WWOX: variants seen among roughly 807,000 people sequenced by gnomAD.
WWOX encodes WW domain-containing oxidoreductase.
A neutral mutation model predicts 46.2 loss-of-function variants in WWOX; 69 were observed. The ratio of observed to expected loss-of-function variants is 1.49; its 90% CI spans 1.23 to 1.82. The LOEUF is 1.82. WWOX is among the 40% of genes most tolerant of loss of function. The probability of loss-of-function intolerance (pLI) is 0.00; values close to 1 mark genes in which losing one functional copy is unlikely to be tolerated. For missense variants in WWOX, 919 were observed against 542.6 expected (o/e 1.69, Z -6.89); for synonymous variants, 359 against 202.6 (o/e 1.77, Z -6.56).
chr16:79,105,973 A>G (rs904986478), intron 8 of WWOX: 3 of 152,238 alleles, frequency 2.0e-5, no homozygotes, highest in African/African-American at 7.2e-5. Context: ...GCACTGGGCC[A>G]GGAATATCTT....
chr16:79,030,394 T>G (rs567142844), intron 8 of WWOX, among the ~76,000 whole-genome samples: 1 of 152,334 alleles, frequency 6.6e-6, no homozygotes, highest in Admixed American at 6.5e-5. Context: ...ACCCAGCACT[T>G]CAGATACTTT....
chr16:79,050,285 G>A (rs1160192707), intron 8 of WWOX, among the ~76,000 whole-genome samples: 1 of 152,168 alleles, frequency 6.6e-6, no homozygotes, highest in African/African-American at 2.4e-5. Context: ...CTTTGCATCA[G>A]CTGGGCTTTC....
intron 8 of WWOX, among the ~76,000 whole-genome samples, chr16:79,182,156 C>G (rs1360095219): frequency 6.8e-6 from 1 of 148,134 alleles, no homozygotes; most frequent in Non-Finnish European, 1.5e-5. Context: ...GGGAGGGACT[C>G]TTGTTCTTTC....
chr16:78,554,824 A>C (rs1567640876), intron 8 of WWOX, among the ~76,000 whole-genome samples: 1 of 152,050 alleles, frequency 6.6e-6, no homozygotes, highest in Non-Finnish European at 1.5e-5. Flanking sequence ...AGAGCCCCTG[A>C]CTCTGAATGG....
chr16:78,162,643 A>G (rs527990287), intron 4 of WWOX, among the ~76,000 whole-genome samples: 6 of 152,120 alleles, frequency 3.9e-5, no homozygotes, highest in Non-Finnish European at 7.4e-5. Flanking sequence ...TGTATGCGTC[A>G]TTGATTTTGT....
chr16:78,889,859 A>G (rs1385503125), intron 8 of WWOX, among the ~76,000 whole-genome samples: 5 of 152,200 alleles, frequency 3.3e-5, no homozygotes, highest in Admixed American at 3.3e-4. Context: ...TATCTGGAGA[A>G]AGTCCATAGT....
intron 8 of WWOX, among the ~76,000 whole-genome samples, chr16:78,823,402 C>T (rs2037961): frequency 0.62 from 93,593 of 151,936 alleles, 29,063 homozygotes; most frequent in African/African-American, 0.69. Flanking sequence ...CAATAAGAGG[C>T]AGGTGCTTCC....
At chr16:78,929,222 G>A (rs1463517020) in intron 8 of WWOX, among the ~76,000 whole-genome samples, 1 of 151,400 alleles carries the variant, frequency 6.6e-6, no homozygotes. Flanking sequence ...AAACTCTTCA[G>A]TTCTGTTGGG....
At chr16:78,754,453 A>C (rs2142464091) in intron 8 of WWOX, among the ~76,000 whole-genome samples, 1 of 152,288 alleles carries the variant, frequency 6.6e-6, no homozygotes, top group Non-Finnish European at 1.5e-5. Flanking sequence ...CGGATTTGAA[A>C]GCCAATGTTC....
rs1162517264 is a variant in WWOX at position 78,345,120 on chromosome 16, G to C, written c.517-41740G>C. ...CATAAAGTTGACTATGGCTATTGGT[G>C]GTACTAGTATGACTGTCAAGTCGAT... On this transcript the variant is annotated intron_variant, in intron 5 of 8. Transcript: ENST00000566780. Among the ~76,000 whole-genome samples the C allele has an allele frequency of 1.7e-5, 2 of 118,308 alleles. 1 individual carries two copies. The highest frequency in any genetic ancestry group is 4.0e-5 in the Non-Finnish European group (2 of 49,948). 77.6% of individuals were successfully genotyped at this position (118,308 alleles called of 152,430 possible).
At chr16:79,054,985 C>T (rs9319532) in intron 8 of WWOX, among the ~76,000 whole-genome samples, 27,166 of 152,080 alleles carry the variant, frequency 0.18, 5,140 homozygotes, top group African/African-American at 0.49. Flanking sequence ...AATGGTTTTC[C>T]ACTGACTAAT....
intron 8 of WWOX, among the ~76,000 whole-genome samples, chr16:78,452,712 T>A (rs765365663): frequency 2.2e-4 from 33 of 151,864 alleles, no homozygotes; most frequent in Non-Finnish European, 8.8e-5. Context: ...CTGACCTCCA[T>A]GTGATCGGCC....
At chr16:78,306,772 C>G (rs765963055) in intron 5 of WWOX, among the ~76,000 whole-genome samples, 4 of 151,770 alleles carry the variant, frequency 2.6e-5, no homozygotes, top group African/African-American at 4.8e-5. Context: ...CCCTGTAAAT[C>G]TCACTCCTTC....
In WWOX at chr16:78,906,180, G is replaced by C. The variant is rs556317506; in HGVS notation, c.1057-305428G>C. ...AAACCTCAGCCATCTAGGGACATCT[G>C]GGGCAGCAGAGAGCCACTGGTGTGG... On this transcript the variant is annotated intron_variant, in intron 8 of 8. Transcript: ENST00000566780. Among the ~76,000 whole-genome samples, 4 of 152,274 alleles carry C rather than the reference G, an allele frequency of 2.6e-5. No individual in the cohort carries two copies. In the East Asian group the frequency reaches 7.7e-4, roughly 29 times the overall value.
chr16:78,137,465 T>C (rs1319770587), intron 4 of WWOX, among the ~76,000 whole-genome samples: 1 of 152,172 alleles, frequency 6.6e-6, no homozygotes, highest in Non-Finnish European at 1.5e-5. Context: ...ACTAGTGTGG[T>C]GTCTGACCGC....
At chr16:78,777,091 A>G (rs1242500085) in intron 8 of WWOX, among the ~76,000 whole-genome samples, 1 of 152,210 alleles carries the variant, frequency 6.6e-6, no homozygotes, top group Admixed American at 6.5e-5. Flanking sequence ...AATGAAGTTT[A>G]GGTCAGAAAA....
At chr16:78,588,799 C>G (rs1282146815) in intron 8 of WWOX, among the ~76,000 whole-genome samples, 1 of 152,120 alleles carries the variant, frequency 6.6e-6, no homozygotes, top group Non-Finnish European at 1.5e-5. Context: ...GCATTAGGAG[C>G]TGAACCCAGA....
intron 5 of WWOX, among the ~76,000 whole-genome samples, chr16:78,179,296 T>C (rs2035452259): frequency 6.6e-6 from 1 of 152,158 alleles, no homozygotes; most frequent in African/African-American, 2.4e-5. Context: ...ATTAGTAAAG[T>C]CATTTGTCCT....
At chr16:78,900,511 C>T (rs2044804084) in intron 8 of WWOX, among the ~76,000 whole-genome samples, 2 of 152,164 alleles carry the variant, frequency 1.3e-5, no homozygotes, top group Non-Finnish European at 2.9e-5. Flanking sequence ...CCACAGAGGT[C>T]CCTATTCACA....
Sources: allele counts gnomAD v4.1 joint callset (sites outside exome capture counted in the v4.1 genomes callset), GRCh38; gene constraint gnomAD v4.1.1; transcripts MANE v1.5; gene names NCBI Gene and HGNC (gene_info 2026-07-23, HGNC 2026-07-21).